PJA2: variants seen among roughly 807,000 people sequenced by gnomAD.
PJA2 encodes the protein E3 ubiquitin-protein ligase Praja-2.
In PJA2, 25 loss-of-function variants were observed where a neutral mutation model predicts 69.3. The observed-to-expected ratio is 0.36, with a 90% confidence interval of 0.26 to 0.50. The LOEUF is 0.50. Ranked by LOEUF, PJA2 falls within the 20% of genes least tolerant of loss-of-function variation. The pLI is 0.96. For synonymous variants in PJA2, 308 were observed against 277.8 expected (o/e 1.11, Z -1.08); for missense variants, 809 against 830.2 (o/e 0.97, Z 0.31).
At chr5:109,407,482 G>T (rs954866208) in intron 1 of PJA2, among the ~76,000 whole-genome samples, 1 of 152,132 alleles carries the variant, frequency 6.6e-6, no homozygotes, top group Non-Finnish European at 1.5e-5. Context: ...CCCCCTTAAA[G>T]TCAGAAACAA....
At chr5:109,382,002 T>C (rs988581540) in intron 2 of PJA2, among the ~76,000 whole-genome samples, 7 of 152,136 alleles carry the variant, frequency 4.6e-5, no homozygotes, top group Non-Finnish European at 7.4e-5. Flanking sequence ...ATTTTTCATA[T>C]GCCAAATTAT....
intron 3 of PJA2, among the ~76,000 whole-genome samples, 197 bp from the exon 4 acceptor site, chr5:109,379,451 C>T (rs1285163134): frequency 6.6e-6 from 1 of 152,168 alleles, no homozygotes; most frequent in South Asian, 2.1e-4. Flanking sequence ...TGTCAATGTA[C>T]AGCCTTTCAC....
intron 7 of PJA2, among the ~76,000 whole-genome samples, chr5:109,352,943 A>G (rs900503820): frequency 7.0e-5 from 10 of 142,164 alleles, no homozygotes; most frequent in African/African-American, 1.0e-4. Flanking sequence ...TATGTATTAG[A>G]TACCTATTAT....
chr5:109,358,977 C>A (rs1582597497), intron 6 of PJA2, among the ~76,000 whole-genome samples: 1 of 152,040 alleles, frequency 6.6e-6, no homozygotes, highest in African/African-American at 2.4e-5. Context: ...TATAGCTGAC[C>A]CTTGAACAGG....
intron 1 of PJA2, among the ~76,000 whole-genome samples, chr5:109,400,479 CA>C (rs1561366224): frequency 1.6e-5 from 1 of 64,438 alleles, no homozygotes; most frequent in African/African-American, 6.5e-5. Context: ...AGCAAACCAG[CA>C]GGGGGAGGGG....
intron 7 of PJA2, among the ~76,000 whole-genome samples, chr5:109,348,749 G>C (rs1035909798): frequency 6.6e-6 from 1 of 152,218 alleles, no homozygotes; most frequent in African/African-American, 2.4e-5. Flanking sequence ...AACCAGCTGA[G>C]TGAGCTTCTG....
chr5:109,404,212 C>T (rs1054648339), intron 1 of PJA2, among the ~76,000 whole-genome samples: 2 of 151,998 alleles, frequency 1.3e-5, no homozygotes, highest in South Asian at 4.1e-4. Context: ...ACTGAAGTGG[C>T]TTATAAACAA....
chr5:109,343,299 AAG>A (rs1762113557), intron 9 of PJA2, among the ~76,000 whole-genome samples: 2 of 120,946 alleles, frequency 1.7e-5, no homozygotes, highest in African/African-American at 3.1e-5. Flanking sequence ...AAAAGAAAGA[AAG>A]AAAGAAAGAA....
chr5:109,375,638 T>C (rs1370765820), intron 4 of PJA2, among the ~76,000 whole-genome samples: 1 of 152,194 alleles, frequency 6.6e-6, no homozygotes, highest in Non-Finnish European at 1.5e-5. Flanking sequence ...CTTTTTAAGC[T>C]TTACAAAAAA....
At chr5:109,362,349 G>A (rs570203530) in intron 6 of PJA2, among the ~76,000 whole-genome samples, 19 of 152,208 alleles carry the variant, frequency 1.2e-4, no homozygotes, top group Admixed American at 9.2e-4. Flanking sequence ...TCTTTGTCAA[G>A]CATAAAGTAA....
In PJA2 at chr5:109,378,812, T is replaced by C; in HGVS notation, c.675A>G (p.Glu225=). 6.2e-7 allele frequency: 1 copy of C among 1,613,472 alleles called. No homozygotes were observed. Among genetic ancestry groups the C allele is most frequent in the Non-Finnish European group, 8.5e-7 (1 of 1,180,022 alleles). Residue 225 remains glutamate (E), a synonymous_variant, in exon 4 of 10, where the codon GAA becomes GAG. Transcript: ENST00000361189. ...LSPPVPSFNC[E]VRDEFEELDS... ...CTAACTCTTCAAACTCATCTCTTAC[T>C]TCACAGTTAAATGAGGGAACTGGTG...
At chr5:109,401,373 T>C (rs547715052) in intron 1 of PJA2, among the ~76,000 whole-genome samples, 10 of 152,098 alleles carry the variant, frequency 6.6e-5, no homozygotes, top group African/African-American at 1.7e-4. Flanking sequence ...GGTGGGAGAA[T>C]TGCTTGAGTC....
In PJA2 at chr5:109,337,265, G is replaced by A. The variant is rs779049212; in HGVS notation, c.2093C>T (p.Pro698Leu). ...APSSEPDPDA[P>L]PSNDSIAEAP ...TTCTGCAATACTGTCATTTGAAGGT[G>A]GGGCATCAGGATCAGGCTCAGAGGA... The change falls in exon 10 of 10, where the codon CCA (proline) becomes CTA (leucine). Residue 698 changes from proline to leucine, a missense_variant. Around this residue, in one of 4 missense-constraint regions of PJA2, gnomAD observed 35 missense variants for 37.0 expected, o/e 0.94. Coordinates refer to ENST00000361189, the MANE Select transcript of PJA2 (RefSeq NM_014819.5). 6.2e-7 allele frequency: 1 copy of A among 1,613,774 alleles called. No homozygotes were observed. The highest frequency in any genetic ancestry group is 1.7e-5 in the Admixed American group (1 of 59,982).
chr5:109,347,363 C>T (rs936062231), intron 7 of PJA2, among the ~76,000 whole-genome samples: 1 of 152,218 alleles, frequency 6.6e-6, no homozygotes, highest in Non-Finnish European at 1.5e-5. Flanking sequence ...CTTCATGGTT[C>T]CCTTGGGCTT....
At chr5:109,360,936 C>T (rs150256679) in intron 6 of PJA2, among the ~76,000 whole-genome samples, 4,633 of 152,142 alleles carry the variant, frequency 0.03, 93 homozygotes, top group Middle Eastern at 0.048. Flanking sequence ...GAGACCAGCC[C>T]GGGCAACATG....
At chr5:109,343,295 AAGAAAGAAAG>A (rs1762113130) in intron 9 of PJA2, among the ~76,000 whole-genome samples, 1 of 54,042 alleles carries the variant, frequency 1.9e-5, no homozygotes, top group Non-Finnish European at 5.2e-5. Context: ...AAAAAAAAGA[AAGAAAGAAAG>A]AAAGAAAAAA....
chr5:109,356,618 A>AG, intron 6 of PJA2, among the ~76,000 whole-genome samples: 1 of 152,168 alleles, frequency 6.6e-6, no homozygotes, highest in South Asian at 2.1e-4. Context: ...TTCAGTTTCC[A>AG]ATCCGCATGT....
rs35924063 is a variant in PJA2 at position 109,406,040 on chromosome 5, ATTTTTTTTTTTT to A, written c.-88+3790_-88+3801del. 5.8e-5 allele frequency among the ~76,000 whole-genome samples: 6 copies of A among 103,432 alleles called. No individual in the cohort carries two copies. The East Asian group carries it at 9.8e-4, about 17-fold the overall frequency. 67.9% of individuals were successfully genotyped at this position (103,432 alleles called of 152,430 possible). On this transcript the variant is annotated intron_variant, in intron 1 of 9. Transcript: ENST00000361189. ...GCTTACAACTCAATAAGACAAACCC[ATTTTTTTTTTTT>A]TTTTTTTTTGAGACGGAGTCTCGCT...
intron 6 of PJA2, among the ~76,000 whole-genome samples, chr5:109,358,428 T>C (rs984857144): frequency 1.3e-5 from 2 of 152,164 alleles, no homozygotes; most frequent in Non-Finnish European, 2.9e-5. Flanking sequence ...GGGTAAATCT[T>C]TGTTTGGGGC....
Sources: allele counts gnomAD v4.1 joint callset (sites outside exome capture counted in the v4.1 genomes callset), GRCh38; gene constraint gnomAD v4.1.1; regional missense constraint gnomAD v4.1.1; transcripts MANE v1.5; gene names NCBI Gene and HGNC (gene_info 2026-07-23, HGNC 2026-07-21).